Variants in SETBP1 observed in about 807,000 individuals in gnomAD.
The protein encoded by SETBP1 is SET binding protein 1, also known as SET-binding protein.
In SETBP1, 9 loss-of-function variants were observed where a neutral mutation model predicts 101.0. That is an observed-to-expected ratio of 0.09 (90% CI 0.05 to 0.16). The LOEUF (loss-of-function observed/expected upper bound fraction) is 0.16. Among genes scored for constraint, SETBP1 ranks in the 10% least tolerant of loss-of-function variants. SETBP1 has a pLI of 1.00. For synonymous variants in SETBP1, 818 were observed against 788.5 expected, an observed-to-expected ratio of 1.04 and a Z score of -0.63; for missense variants, 1,858 against 2,033.8, an observed-to-expected ratio of 0.91 and a Z score of 1.66.
chr18:44,780,157 T>C (rs764762623), intron 2 of SETBP1, among the ~76,000 whole-genome samples: 82 of 152,096 alleles, frequency 5.4e-4, no homozygotes, highest in Non-Finnish European at 1.1e-3. Context: ...CTCCTCCAAC[T>C]CTTGCAAGGA....
intron 4 of SETBP1, among the ~76,000 whole-genome samples, chr18:44,979,186 G>C (rs1045278543): frequency 3.9e-5 from 6 of 152,128 alleles, no homozygotes; most frequent in African/African-American, 1.4e-4. Context: ...TGGCCATTAG[G>C]GGCCCAACCC....
chr18:44,929,188 G>A (rs1449600595), intron 3 of SETBP1, among the ~76,000 whole-genome samples: 2 of 152,144 alleles, frequency 1.3e-5, no homozygotes, highest in Admixed American at 6.5e-5. Flanking sequence ...TTATTAAATA[G>A]GGAATCCTTT....
At chr18:44,924,314 C>G (rs2070649260) in intron 3 of SETBP1, among the ~76,000 whole-genome samples, 1 of 152,122 alleles carries the variant, frequency 6.6e-6, no homozygotes, top group African/African-American at 2.4e-5. Flanking sequence ...TCATCCACAG[C>G]CTAGGGCTTG....
chr18:45,046,277 G>A (rs947938770), intron 5 of SETBP1, among the ~76,000 whole-genome samples: 2 of 152,176 alleles, frequency 1.3e-5, no homozygotes, highest in African/African-American at 2.4e-5. Flanking sequence ...TCATGAAAAG[G>A]TACACTCAAG....
At chr18:44,972,191 T>C (rs950382068) in intron 4 of SETBP1, among the ~76,000 whole-genome samples, 2 of 152,208 alleles carry the variant, frequency 1.3e-5, no homozygotes, top group African/African-American at 4.8e-5. Flanking sequence ...GTTGTAGATA[T>C]GTGGCATTAT....
chr18:44,720,902 C>CCA (rs2069573331), intron 2 of SETBP1, among the ~76,000 whole-genome samples: 1 of 74,264 alleles, frequency 1.3e-5, no homozygotes, highest in African/African-American at 5.5e-5. Flanking sequence ...AGCCCTCCAA[C>CCA]CCCCACCCCC....
chr18:44,701,548 G>A lies in SETBP1; in HGVS notation c.202G>A (p.Asp68Asn). 1 of 1,614,180 alleles carries A rather than the reference G, an allele frequency of 6.2e-7. No homozygotes were observed. The highest frequency in any genetic ancestry group is 8.5e-7 in the Non-Finnish European group (1 of 1,180,006). Residue 68 changes from aspartate (D) to asparagine (N), a missense_variant, in exon 2 of 6, where the codon GAT becomes AAT. Physicochemically the swap from Asp to Asn is conservative, Grantham distance 23. Around this residue, in one of 12 missense-constraint regions of SETBP1, gnomAD observed 97 missense variants for 101.2 expected, o/e 0.96. Coordinates refer to ENST00000649279, the MANE Select transcript of SETBP1 (RefSeq NM_015559.3). ...EEEDELGSGRDVDSNSNADSE... is the reference protein window; with the variant it reads ...EEEDELGSGRNVDSNSNADSE... Reference sequence around the variant, plus strand: ...GGAGGATGAACTAGGCTCAGGGCGGGATGTGGATTCCAACTCCAACGCGGA... The same window carrying A: ...GGAGGATGAACTAGGCTCAGGGCGGAATGTGGATTCCAACTCCAACGCGGA...
chr18:44,834,999 C>G (rs967460537), intron 2 of SETBP1, among the ~76,000 whole-genome samples: 10 of 152,078 alleles, frequency 6.6e-5, no homozygotes, highest in African/African-American at 1.2e-4. Context: ...GACAGACAGG[C>G]GACTAGGCTG....
intron 4 of SETBP1, among the ~76,000 whole-genome samples, chr18:45,035,090 A>G (rs1166385166): frequency 6.6e-6 from 1 of 151,814 alleles, no homozygotes; most frequent in Non-Finnish European, 1.5e-5. Flanking sequence ...TAGCCTGCCC[A>G]ATGCACTCTC....
chr18:45,030,066 A>G (rs1265391642), intron 4 of SETBP1, among the ~76,000 whole-genome samples: 1 of 148,564 alleles, frequency 6.7e-6, no homozygotes, highest in African/African-American at 2.5e-5. Context: ...GAGTGTTGAG[A>G]GAGGGCATCC....
chr18:44,788,289 A>G (rs1387360751), intron 2 of SETBP1, among the ~76,000 whole-genome samples: 1 of 152,102 alleles, frequency 6.6e-6, no homozygotes, highest in Non-Finnish European at 1.5e-5. Context: ...AGGGGTAGAG[A>G]GGGAAGGTAT....
At chr18:44,704,311 T>C (rs938838063) in intron 2 of SETBP1, among the ~76,000 whole-genome samples, 14 of 152,202 alleles carry the variant, frequency 9.2e-5, no homozygotes, top group Non-Finnish European at 1.6e-4. Flanking sequence ...GAAATAAAAT[T>C]GCTTATTTGA....
In SETBP1 at chr18:44,950,581, C is replaced by T. The variant is rs2145096578; in HGVS notation, c.1241C>T (p.Thr414Ile). The T allele has an allele frequency of 1.2e-6, 2 of 1,614,006 alleles. No individual in the cohort carries two copies. The highest frequency in any genetic ancestry group is 1.1e-5 in the South Asian group (1 of 91,078). The change falls in exon 4 of 6, where the codon ACC (threonine) becomes ATC (isoleucine). Residue 414 changes from threonine (T) to isoleucine (I), a missense_variant. Physicochemically the swap from Thr to Ile is moderately conservative, Grantham distance 89. Around this residue, in one of 12 missense-constraint regions of SETBP1, gnomAD observed 581 missense variants for 535.1 expected, o/e 1.09. Coordinates refer to ENST00000649279, the MANE Select transcript of SETBP1 (RefSeq NM_015559.3). The stretch of plus-strand genomic sequence containing the variant: ...ATCAAGGCACCCTCTCTGGATCCAA[C>T]CAACCATAAGAGGAAAAAAAGACAG... ...IPIKAPSLDP[T>I]NHKRKKRQSI...
chr18:44,738,961 G>A (rs2070040852), intron 2 of SETBP1, among the ~76,000 whole-genome samples: 1 of 152,128 alleles, frequency 6.6e-6, no homozygotes, highest in East Asian at 1.9e-4. Context: ...AAATCAAGGT[G>A]TTGACAGAGC....
chr18:44,994,662 G>T (rs183808687), intron 4 of SETBP1, among the ~76,000 whole-genome samples: 3 of 152,276 alleles, frequency 2.0e-5, no homozygotes, highest in Non-Finnish European at 4.4e-5. Flanking sequence ...CAATAATGTA[G>T]ATATGTACAT....
At position 44,753,131 on chromosome 18, in the gene SETBP1, G is replaced by A. The variant is rs138020052; in HGVS notation, c.486+51299G>A. 5.9e-5 allele frequency among the ~76,000 whole-genome samples: 9 copies of A among 152,234 alleles called. No homozygotes were observed. In the East Asian group the frequency reaches 1.7e-3, roughly 29 times the overall value. Reference sequence around the variant, plus strand: ...GAAAGATCAAGAGGTCACTTTGCTTGTAGATTATTTCCAAAACCCTACAGA... The same window carrying A: ...GAAAGATCAAGAGGTCACTTTGCTTATAGATTATTTCCAAAACCCTACAGA... On this transcript the variant is annotated intron_variant, in intron 2 of 5. Transcript: ENST00000649279.
rs559825467 is a variant in SETBP1 at position 45,057,449 on chromosome 18, A to T, written c.4172-5630A>T. Among the ~76,000 whole-genome samples, 117 of 152,292 alleles carry T rather than the reference A, an allele frequency of 7.7e-4. 1 individual carries two copies. The highest frequency in any genetic ancestry group is 2.7e-3 in the African/African-American group (113 of 41,564). On this transcript the variant is annotated intron_variant, in intron 5 of 5. Coordinates refer to ENST00000649279, the MANE Select transcript of SETBP1 (RefSeq NM_015559.3). ...AATGCCATTGAGCTTGTATTTGCTG[A>T]TCACATAGTATGCACCAGATCAGGT...
In SETBP1 at chr18:44,816,383, G is replaced by A. The variant is rs535216733; in HGVS notation, c.487-52847G>A. Among the ~76,000 whole-genome samples the A allele has an allele frequency of 2.0e-4, 31 of 152,298 alleles. 1 individual carries two copies. The South Asian group carries it at 6.0e-3, about 30-fold the overall frequency. ...GGGGCAGTTGTGCAGCATATACTGG[G>A]AAGACAGAGAGGGGTCAGCAGCTGG... is the stretch of plus-strand genomic sequence containing the variant. On this transcript the variant is annotated intron_variant, in intron 2 of 5. Coordinates refer to ENST00000649279, the MANE Select transcript of SETBP1 (RefSeq NM_015559.3).
At chr18:44,815,247 A>G (rs1270778590) in intron 2 of SETBP1, among the ~76,000 whole-genome samples, 1 of 152,262 alleles carries the variant, frequency 6.6e-6, no homozygotes, top group Non-Finnish European at 1.5e-5. Context: ...CGATGAGGAA[A>G]CAAAGTTAGA....
Sources: gnomAD v4.1 joint callset for allele counts (sites outside exome capture counted in the v4.1 genomes callset) on GRCh38, gnomAD v4.1.1 for gene constraint, gnomAD v4.1.1 regional missense constraint, MANE v1.5 for transcripts, NCBI Gene and HGNC (gene_info 2026-07-23, HGNC 2026-07-21) for gene names.